Variants in TMEM132C observed in about 807,000 individuals in gnomAD.
The protein encoded by TMEM132C is protein phosphatase 1, regulatory subunit 152.
A neutral mutation model predicts 61.4 loss-of-function variants in TMEM132C; 29 were observed. That is an observed-to-expected ratio of 0.47 (90% confidence interval 0.35 to 0.64). The LOEUF (loss-of-function observed/expected upper bound fraction) is 0.64. TMEM132C is among the 30% of genes least tolerant of loss of function. The pLI is 0.00. For synonymous variants in TMEM132C, 656 were observed against 633.1 expected (o/e 1.04, Z -0.54); for missense variants, 1,408 against 1,476.9 (o/e 0.95, Z 0.76).
intron 3 of TMEM132C, among the ~76,000 whole-genome samples, chr12:128,572,498 A>C (rs954782752): frequency 1.3e-5 from 2 of 150,836 alleles, no homozygotes; most frequent in African/African-American, 4.9e-5. Context: ...CCTGCGTCAC[A>C]TGGCCACTGT....
At chr12:128,391,627 A>G (rs1360175705) in intron 1 of TMEM132C, among the ~76,000 whole-genome samples, 1 of 152,246 alleles carries the variant, frequency 6.6e-6, no homozygotes, top group African/African-American at 2.4e-5. Flanking sequence ...CTTATGAACT[A>G]TCCATCATGA....
At chr12:128,354,071 T>C (rs1873423115) in intron 1 of TMEM132C, among the ~76,000 whole-genome samples, 1 of 152,152 alleles carries the variant, frequency 6.6e-6, no homozygotes. Context: ...CTTGAGTCTC[T>C]TCACCTCCAG....
intron 1 of TMEM132C, among the ~76,000 whole-genome samples, chr12:128,312,152 G>A (rs1033960774): frequency 1.1e-4 from 16 of 152,170 alleles, no homozygotes; most frequent in Non-Finnish European, 1.2e-4. Context: ...TTCTGTGGGT[G>A]TGAATATTGT....
intron 4 of TMEM132C, among the ~76,000 whole-genome samples, chr12:128,632,695 T>C (rs1044552621): frequency 3.9e-5 from 6 of 152,232 alleles, no homozygotes; most frequent in Non-Finnish European, 7.3e-5. Context: ...CTCGACCATG[T>C]GTGCAGAATC....
In TMEM132C at chr12:128,644,574, T is replaced by G. The variant is rs1954181707; in HGVS notation, c.1306-24843T>G. ...AAAACTATAGGGACAGAAAGCAGGA[T>G]CAGTGATCGCTGGGGGCTGGATTTT... On this transcript the variant is annotated intron_variant, in intron 4 of 8. Transcript: ENST00000435159. 2.0e-5 allele frequency among the ~76,000 whole-genome samples: 3 copies of G among 152,218 alleles called. No individual in the cohort carries two copies. In the South Asian group the frequency reaches 6.2e-4, roughly 31 times the overall value.
intron 2 of TMEM132C, among the ~76,000 whole-genome samples, chr12:128,425,371 T>A (rs1869145889): frequency 1.3e-5 from 2 of 152,352 alleles, no homozygotes; most frequent in South Asian, 4.1e-4. Flanking sequence ...CAAGTCTCCT[T>A]GATGTCAGAC....
intron 1 of TMEM132C, among the ~76,000 whole-genome samples, chr12:128,279,445 A>G (rs548927916): frequency 6.6e-6 from 1 of 152,052 alleles, no homozygotes; most frequent in Non-Finnish European, 1.5e-5. Context: ...CTCTGCCCCA[A>G]ATTCTCTAGT....
chr12:128,292,468 G>A (rs7307538), intron 1 of TMEM132C, among the ~76,000 whole-genome samples: 19,785 of 152,024 alleles, frequency 0.13, 1,497 homozygotes, highest in East Asian at 0.3. Context: ...TAAGCTCCTC[G>A]TGGGCATAGA....
chr12:128,536,893 A>G (rs11612682), intron 2 of TMEM132C, among the ~76,000 whole-genome samples: 81,496 of 152,058 alleles, frequency 0.54, 22,657 homozygotes, highest in Middle Eastern at 0.61. Flanking sequence ...GCAGCCTGCC[A>G]GGTGGCCATT....
intron 4 of TMEM132C, among the ~76,000 whole-genome samples, chr12:128,648,248 G>C (rs112006930): frequency 3.4e-5 from 4 of 117,474 alleles, no homozygotes; most frequent in Admixed American, 8.7e-5. Context: ...GTTGGATGTG[G>C]GTGTGTTTAC....
chr12:128,427,745 C>G (rs1051471304), intron 2 of TMEM132C, among the ~76,000 whole-genome samples: 1 of 152,228 alleles, frequency 6.6e-6, no homozygotes, highest in African/African-American at 2.4e-5. Context: ...GCTTGTGGCT[C>G]TCACTCAGAT....
intron 5 of TMEM132C, among the ~76,000 whole-genome samples, chr12:128,690,704 T>C (rs1436172926): frequency 6.6e-6 from 1 of 152,158 alleles, no homozygotes. Context: ...GCAACTAAAA[T>C]TGCCTTCCTT....
intron 3 of TMEM132C, among the ~76,000 whole-genome samples, chr12:128,560,829 G>A (rs79483976): frequency 0.021 from 3,208 of 152,346 alleles, 121 homozygotes; most frequent in African/African-American, 0.073. Context: ...GTTTACAGAT[G>A]AAGAAATGGG....
chr12:128,583,513 T>A (rs1254134929), intron 3 of TMEM132C, among the ~76,000 whole-genome samples: 1 of 152,252 alleles, frequency 6.6e-6, no homozygotes, highest in Non-Finnish European at 1.5e-5. Context: ...TCACCTTAAA[T>A]CAGACTGGTG....
In TMEM132C at chr12:128,608,098, C is replaced by A. The variant is rs191297796; in HGVS notation, c.1122-8054C>A. 1.9e-3 allele frequency among the ~76,000 whole-genome samples: 283 copies of A among 152,262 alleles called. 1 individual carries two copies. Among genetic ancestry groups the A allele is most frequent in the Non-Finnish European group, 2.0e-3 (137 of 68,024 alleles). On this transcript the variant is annotated intron_variant, in intron 3 of 8. Coordinates refer to ENST00000435159, the MANE Select transcript of TMEM132C (RefSeq NM_001136103.3). ...CTGGTACCGTCAGCAAATCTTAGGA[C>A]ACATGGCCTTAGAAAGATAAATGCA... is the stretch of plus-strand genomic sequence containing the variant.
chr12:128,290,123 C>T (rs1398492420), intron 1 of TMEM132C, among the ~76,000 whole-genome samples: 3 of 152,140 alleles, frequency 2.0e-5, no homozygotes, highest in Non-Finnish European at 2.9e-5. Context: ...TTATTTCCTA[C>T]CATATAAAAC....
chr12:128,581,454 C>A (rs925821424), intron 3 of TMEM132C, among the ~76,000 whole-genome samples: 1 of 152,158 alleles, frequency 6.6e-6, no homozygotes, highest in Non-Finnish European at 1.5e-5. Flanking sequence ...CACATTCCAT[C>A]TGTGGGTTTC....
In TMEM132C at chr12:128,707,311, A is replaced by C. The variant is rs1336946705; in HGVS notation, c.*1016A>C. 6.6e-6 allele frequency: 1 copy of C among 152,242 alleles called. No homozygotes were observed. Among genetic ancestry groups the C allele is most frequent in the Admixed American group, 6.5e-5 (1 of 15,282 alleles). 9.4% of individuals were successfully genotyped at this position (152,242 alleles called of 1,614,324 possible). A position where few individuals can be genotyped will look rare whatever the true frequency, so the allele number is the denominator to read the frequency against. ...TTCCTATATGGGAGAAAGTTGGGTT[A>C]AATCAAAAAAGAGGCCACGCCCAGG... On this transcript the variant is annotated 3_prime_UTR_variant, in exon 9 of 9. Coordinates refer to ENST00000435159, the MANE Select transcript of TMEM132C (RefSeq NM_001136103.3).
At chr12:128,454,500 T>C (rs2136061339) in intron 2 of TMEM132C, among the ~76,000 whole-genome samples, 1 of 152,334 alleles carries the variant, frequency 6.6e-6, no homozygotes, top group East Asian at 1.9e-4. Flanking sequence ...ATATAGAAGG[T>C]TAAAATGACC....
Sources: allele counts gnomAD v4.1 joint callset (sites outside exome capture counted in the v4.1 genomes callset), GRCh38; gene constraint gnomAD v4.1.1; transcripts MANE v1.5; gene names NCBI Gene and HGNC (gene_info 2026-07-23, HGNC 2026-07-21).